Variants in GYG1 observed in about 807,000 individuals in gnomAD.
GYG1 encodes the protein glycogenin 1, also known as glycogenin-1.
A neutral mutation model predicts 41.9 loss-of-function variants in GYG1; 44 were observed. The ratio of observed to expected loss-of-function variants is 1.05; its 90% CI spans 0.83 to 1.35. GYG1 has a LOEUF of 1.35. Ranked by LOEUF, GYG1 falls within the 40% of genes most tolerant of loss-of-function variation. GYG1 has a pLI of 0.00. For synonymous variants in GYG1, 141 were observed against 158.1 expected (o/e 0.89, Z 0.81); for missense variants, 429 against 418.9 (o/e 1.02, Z -0.21).
In GYG1 at chr3:149,030,590, C is replaced by T. The variant is rs1351128202; in HGVS notation, c.*3657C>T. 1 of 152,148 alleles carries T rather than the reference C, an allele frequency of 6.6e-6. No homozygotes were observed. Among genetic ancestry groups the T allele is most frequent in the Non-Finnish European group, 1.5e-5 (1 of 68,020 alleles). 9.4% of individuals were successfully genotyped at this position (152,148 alleles called of 1,614,324 possible). A position where few individuals can be genotyped will look rare whatever the true frequency, so the allele number is the denominator to read the frequency against. On this transcript the variant is annotated 3_prime_UTR_variant, in exon 8 of 8. Transcript: ENST00000345003. ...TATACTTAATCTCACTGAAGTATTG[C>T]TATATGGAGAACCCATACTCTGATC...
intron 5 of GYG1, among the ~76,000 whole-genome samples, chr3:149,013,715 A>G (rs1429728393): frequency 6.6e-6 from 1 of 152,212 alleles, no homozygotes; most frequent in Non-Finnish European, 1.5e-5. Flanking sequence ...TTTTCCCCAA[A>G]GAAATTAAAC....
chr3:149,030,581 G>T lies in GYG1; in HGVS notation c.*3648G>T, dbSNP rs1714926168. The T allele has an allele frequency of 1.3e-5, 2 of 152,188 alleles. No individual in the cohort carries two copies. The highest frequency in any genetic ancestry group is 4.8e-5 in the African/African-American group (2 of 41,444). 9.4% of individuals were successfully genotyped at this position (152,188 alleles called of 1,614,324 possible). A position where few individuals can be genotyped will look rare whatever the true frequency, so the allele number is the denominator to read the frequency against. On this transcript the variant is annotated 3_prime_UTR_variant, in exon 8 of 8. Transcript: ENST00000345003. ...AAAACTGTTTATACTTAATCTCACTGAAGTATTGCTATATGGAGAACCCAT... is the reference window on the plus strand; with the variant it reads ...AAAACTGTTTATACTTAATCTCACTTAAGTATTGCTATATGGAGAACCCAT...
intron 5 of GYG1, among the ~76,000 whole-genome samples, chr3:149,015,221 G>A (rs1325078211): frequency 6.6e-6 from 1 of 152,196 alleles, no homozygotes; most frequent in African/African-American, 2.4e-5. Flanking sequence ...GATGTATGAA[G>A]TCTGAGGTGC....
chr3:149,003,028 A>AATAG (rs750132920), intron 4 of GYG1, among the ~76,000 whole-genome samples: 1 of 152,062 alleles, frequency 6.6e-6, no homozygotes, highest in Non-Finnish European at 1.5e-5. Context: ...GTAAATAAAT[A>AATAG]ATAGATAGAT....
intron 6 of GYG1, 44 bp from the exon 7 acceptor site, chr3:149,026,408 T>A (rs1559845318): frequency 8.3e-7 from 1 of 1,203,128 alleles, no homozygotes; most frequent in South Asian, 1.2e-5. Flanking sequence ...AGACTTGTGT[T>A]CCCTTGCCCA....
Position 149,026,807 on chromosome 3 carries a change from AG to A in GYG1, c.928del (p.Ala310LeufsTer61). 1 of 1,613,910 alleles carries A rather than the reference AG, an allele frequency of 6.2e-7. No homozygotes were observed. The highest frequency in any genetic ancestry group is 1.1e-5 in the South Asian group (1 of 91,078). On this transcript the variant is annotated frameshift_variant, in exon 8 of 8. Transcript: ENST00000345003. LOFTEE classifies it high-confidence loss of function. ...ISHLSLGEIP[A>X]MAQPFVSSEE... Reference sequence around the variant, plus strand: ...CACATCTGTCCCTTGGGGAGATCCCAGCTATGGCACAGCCGTTTGTATCCTC... The same window carrying A: ...CACATCTGTCCCTTGGGGAGATCCCACTATGGCACAGCCGTTTGTATCCTC...
chr3:149,010,407 A>T (rs1157186139), intron 5 of GYG1, among the ~76,000 whole-genome samples: 1 of 148,050 alleles, frequency 6.8e-6, no homozygotes, highest in African/African-American at 2.5e-5. Flanking sequence ...GGCTCACTGC[A>T]ACCTCCACCT....
At chr3:148,996,648 C>T (rs1157529637) in intron 3 of GYG1, 94 bp from the exon 4 acceptor site, 5 of 1,318,804 alleles carry the variant, frequency 3.8e-6, no homozygotes, top group Non-Finnish European at 5.5e-6. Context: ...TTACAGCTGT[C>T]ACCATCTTTT....
At chr3:149,011,359 G>A (rs1458712118) in intron 5 of GYG1, among the ~76,000 whole-genome samples, 3 of 152,178 alleles carry the variant, frequency 2.0e-5, no homozygotes, top group South Asian at 2.1e-4. Flanking sequence ...TCTATAATAG[G>A]ACATTTGCTT....
chr3:149,028,465 T>TGGA lies in GYG1; in HGVS notation c.*1533_*1534insGAG. 1.3e-5 allele frequency among the ~76,000 whole-genome samples: 2 copies of TGGA among 152,322 alleles called. No individual in the cohort carries two copies. Among genetic ancestry groups the TGGA allele is most frequent in the South Asian group, 4.1e-4 (2 of 4,822 alleles). ...AAAGATTTATTTAAGTGCCTCCATG[T>TGGA]GTCAGATGCTGTGGTACAAAGAAGG... On this transcript the variant is annotated 3_prime_UTR_variant, in exon 8 of 8. Coordinates refer to ENST00000345003, the MANE Select transcript of GYG1 (RefSeq NM_004130.4).
Position 149,012,701 on chromosome 3 carries a change from CAG to C in GYG1, c.608+3301_608+3302del, listed in dbSNP as rs541049216. Among the ~76,000 whole-genome samples the C allele has an allele frequency of 4.8e-3, 721 of 151,478 alleles. 4 individuals carry two copies. The highest frequency in any genetic ancestry group is 0.016 in the African/African-American group (672 of 41,280). On this transcript the variant is annotated intron_variant, in intron 5 of 7. Transcript: ENST00000345003. ...GAATGACTACTCAAATATAAAAAAA[CAG>C]AATTAGTATTTTTTTTTTGTAAGGG...
At position 148,996,507 on chromosome 3, in the gene GYG1, GACAT is replaced by G. The variant is rs766147744; in HGVS notation, c.318+33_318+36del. 7 of 1,567,540 alleles carry G rather than the reference GACAT, an allele frequency of 4.5e-6. No individual in the cohort carries two copies. The East Asian group carries it at 1.6e-4, about 35-fold the overall frequency. ...TGTGGCTTTGAGGGTAGAAAAGAAA[GACAT>G]ATATATATATGGTGATGGAGACCTG... On this transcript the variant is annotated intron_variant, in intron 3 of 7. Transcript: ENST00000345003.
intron 5 of GYG1, among the ~76,000 whole-genome samples, chr3:149,010,812 C>T (rs1245130622): frequency 6.6e-6 from 1 of 152,206 alleles, no homozygotes; most frequent in Non-Finnish European, 1.5e-5. Context: ...AGCAGCACAG[C>T]CCTTCACTGA....
At chr3:149,011,469 G>A (rs1559840036) in intron 5 of GYG1, among the ~76,000 whole-genome samples, 1 of 144,294 alleles carries the variant, frequency 6.9e-6, no homozygotes, top group Admixed American at 6.9e-5. Context: ...GTCCTGCACA[G>A]TGAGCATGTG....
At chr3:149,012,363 G>C (rs889661930) in intron 5 of GYG1, among the ~76,000 whole-genome samples, 1 of 152,270 alleles carries the variant, frequency 6.6e-6, no homozygotes, top group Admixed American at 6.5e-5. Context: ...GGTGGAATTA[G>C]AGACCATGGA....
chr3:149,017,925 T>C lies in GYG1; in HGVS notation c.609-6128T>C, dbSNP rs550654287. Reference sequence around the variant, plus strand: ...ACCACGCCCAGCCTCTATTTTGTTTTTAGCCATGCAATGTAAATTCTGACT... The same window carrying C: ...ACCACGCCCAGCCTCTATTTTGTTTCTAGCCATGCAATGTAAATTCTGACT... On this transcript the variant is annotated intron_variant, in intron 5 of 7. Coordinates refer to ENST00000345003, the MANE Select transcript of GYG1 (RefSeq NM_004130.4). Among the ~76,000 whole-genome samples the C allele has an allele frequency of 1.1e-4, 16 of 152,204 alleles. No individual in the cohort carries two copies. The South Asian group carries it at 2.9e-3, about 28-fold the overall frequency.
In GYG1 at chr3:148,991,687, C is replaced by T. The variant is rs1422442260; in HGVS notation, c.7+40C>T. On this transcript the variant is annotated intron_variant, in intron 1 of 7. Coordinates refer to ENST00000345003, the MANE Select transcript of GYG1 (RefSeq NM_004130.4). ...CCCGCCGCCGCCAGCCCCGGGACCC[C>T]GGCTTCCTGCCCAGCCGCCGCCTCC... The T allele has an allele frequency of 4.8e-6, 7 of 1,461,552 alleles. No homozygotes were observed. In the South Asian group the frequency reaches 7.4e-5, roughly 15 times the overall value. The allele number at this position is 1,461,552 out of a possible 1,614,324, so 90.5% of individuals were successfully genotyped here.
chr3:148,999,683 A>G (rs4681475), intron 4 of GYG1, among the ~76,000 whole-genome samples: 41,299 of 151,834 alleles, frequency 0.27, 5,579 homozygotes, highest in East Asian at 0.32. Context: ...TCAATATGTT[A>G]TTATATAAAA....
intron 5 of GYG1, among the ~76,000 whole-genome samples, chr3:149,014,702 A>G (rs1197936640): frequency 6.6e-6 from 1 of 151,878 alleles, no homozygotes; most frequent in Non-Finnish European, 1.5e-5. Context: ...AAATACATAT[A>G]TATAAATACA....
Sources: allele counts gnomAD v4.1 joint callset (sites outside exome capture counted in the v4.1 genomes callset), GRCh38; gene constraint gnomAD v4.1.1; transcripts MANE v1.5; gene names NCBI Gene and HGNC (gene_info 2026-07-23, HGNC 2026-07-21).